Variants in DNAJC17 observed in about 807,000 individuals in gnomAD.
DNAJC17 encodes the protein dnaJ homolog subfamily C member 17.
A neutral mutation model predicts 48.1 loss-of-function variants in DNAJC17; 35 were observed. The observed-to-expected ratio is 0.73, with a 90% CI of 0.56 to 0.96. The LOEUF is 0.96. Among genes scored for constraint, DNAJC17 ranks in the 50% least tolerant of loss-of-function variants. DNAJC17 has a pLI of 0.00. For missense variants in DNAJC17, 355 were observed against 377.1 expected, an observed-to-expected ratio of 0.94 and a Z score of 0.48; for synonymous variants, 117 against 142.7, an observed-to-expected ratio of 0.82 and a Z score of 1.28.
At chr15:40,791,601 T>G (rs758289328) in intron 1 of DNAJC17, among the ~76,000 whole-genome samples, 3 of 151,830 alleles carry the variant, frequency 2.0e-5, no homozygotes, top group Non-Finnish European at 4.4e-5. Flanking sequence ...TCCCAGCACT[T>G]TGGGAGGCTG....
In DNAJC17 at chr15:40,770,314, T is replaced by TCTGCTC. The variant is rs1204308316; in HGVS notation, c.793-2253_793-2252insGAGCAG. ...CTGTCTGCTCTCCTGGGCAAAAAAG[T>TCTGCTC]TCCTTCTTCCTGAGCCCTCCTCTCA... On this transcript the variant is annotated intron_variant, in intron 10 of 10. Coordinates refer to ENST00000220496, the MANE Select transcript of DNAJC17 (RefSeq NM_018163.3). The surrounding 1 kb of genome is among the most constrained non-coding windows in gnomAD (Gnocchi z 5.0). The TCTGCTC allele has an allele frequency of 9.6e-6, 6 of 622,716 alleles. No homozygotes were observed. The highest frequency in any genetic ancestry group is 5.5e-5 in the African/African-American group (3 of 54,170). The allele number at this position is 622,716 out of a possible 1,614,324, so 38.6% of individuals were successfully genotyped here. A position where few individuals can be genotyped will look rare whatever the true frequency, so the allele number is the denominator to read the frequency against.
In DNAJC17 at chr15:40,803,789, C is replaced by T. The variant is rs1034211159; in HGVS notation, c.78+3580G>A. Among the ~76,000 whole-genome samples, 13 of 152,202 alleles carry T rather than the reference C, an allele frequency of 8.5e-5. No homozygotes were observed. In the East Asian group the frequency reaches 2.5e-3, roughly 29 times the overall value. ...TAAAGGCAGGAGCAGCACCTGTTACCCTTTATAGAGTGGCTTCACACCTAT... is the reference window on the plus strand; with the variant it reads ...TAAAGGCAGGAGCAGCACCTGTTACTCTTTATAGAGTGGCTTCACACCTAT... On this transcript the variant is annotated intron_variant, in intron 1 of 10. Coordinates refer to ENST00000220496, the MANE Select transcript of DNAJC17 (RefSeq NM_018163.3).
At chr15:40,773,375 C>T (rs1279274724) in intron 10 of DNAJC17, among the ~76,000 whole-genome samples, 8 of 152,132 alleles carry the variant, frequency 5.3e-5, no homozygotes, top group Admixed American at 5.2e-4. Flanking sequence ...GTCCTAGTCA[C>T]CTGCCCCTTC....
Position 40,807,434 on chromosome 15 carries a change from T to G in DNAJC17, c.13A>C (p.Lys5Gln). 1 of 1,614,250 alleles carries G rather than the reference T, an allele frequency of 6.2e-7. No individual in the cohort carries two copies. Reference protein sequence around the residue: MAVTKELLQMDLYAL... With the variant: MAVTQELLQMDLYAL... ...TACAGGTCCATCTGTAAGAGCTCCT[T>G]GGTCACTGCCATGGTTCCGGCCTGA... The change falls in exon 1 of 11, where the codon AAG becomes CAG. Residue 5 changes from lysine (K) to glutamine (Q), a missense_variant. Lys to Gln is a moderately conservative substitution (Grantham distance 53). This residue lies in a region of DNAJC17 where 199 missense variants were observed against 199.9 expected (regional missense o/e 1.00). Coordinates refer to ENST00000220496, the MANE Select transcript of DNAJC17 (RefSeq NM_018163.3).
At chr15:40,775,373 G>C in intron 7 of DNAJC17, 180 bp downstream of exon 7, 2 of 789,202 alleles carry the variant, frequency 2.5e-6, no homozygotes, top group Non-Finnish European at 4.2e-6. Context: ...GCTAAAAGCA[G>C]CCTTTCGTGG....
chr15:40,776,036 C>T (rs1052963582), intron 6 of DNAJC17, among the ~76,000 whole-genome samples, 160 bp downstream of exon 6: 9 of 152,132 alleles, frequency 5.9e-5, no homozygotes, highest in East Asian at 1.9e-4. Context: ...GGGAGGAAGA[C>T]GGGATAAGTG....
intron 1 of DNAJC17, among the ~76,000 whole-genome samples, chr15:40,781,639 AG>A (rs751550790): frequency 6.6e-6 from 1 of 152,154 alleles, no homozygotes. Flanking sequence ...TTTTGAGTTT[AG>A]TCCAGGTGCG....
At position 40,765,296 on chromosome 15, in the gene DNAJC17, C is replaced by T. The variant is rs1888924223; in HGVS notation, c.*2644G>A. ...ACCATCACCATAATCAGTTTTAGAA[C>T]ATTTCTAATACCCCAAAAGGAAACC... On this transcript the variant is annotated 3_prime_UTR_variant, in exon 11 of 11. Coordinates refer to ENST00000220496, the MANE Select transcript of DNAJC17 (RefSeq NM_018163.3). The T allele has an allele frequency of 6.6e-6, 1 of 152,202 alleles. No homozygotes were observed. The highest frequency in any genetic ancestry group is 1.5e-5 in the Non-Finnish European group (1 of 68,072). 9.4% of individuals were successfully genotyped at this position (152,202 alleles called of 1,614,324 possible). A position where few individuals can be genotyped will look rare whatever the true frequency, so the allele number is the denominator to read the frequency against.
chr15:40,776,327 C>A lies in DNAJC17; in HGVS notation c.382-35G>T. On this transcript the variant is annotated intron_variant, in intron 5 of 10. Coordinates refer to ENST00000220496, the MANE Select transcript of DNAJC17 (RefSeq NM_018163.3). Reference sequence around the variant, plus strand: ...AGGGGGTGGGGGTGACAATTCTGTGCAGGTCCAATTCCAGGCTGGCTCACC... The same window carrying A: ...AGGGGGTGGGGGTGACAATTCTGTGAAGGTCCAATTCCAGGCTGGCTCACC... The A allele has an allele frequency of 1.9e-6, 3 of 1,601,106 alleles. No homozygotes were observed. The South Asian group carries it at 3.3e-5, about 18-fold the overall frequency.
chr15:40,804,291 A>G (rs1446347285), intron 1 of DNAJC17, among the ~76,000 whole-genome samples: 4 of 151,460 alleles, frequency 2.6e-5, no homozygotes, highest in African/African-American at 9.7e-5. Flanking sequence ...TTAAAATCCA[A>G]TTATGGGCAG....
At chr15:40,781,933 A>AT (rs1239800565) in intron 1 of DNAJC17, among the ~76,000 whole-genome samples, 6 of 151,304 alleles carry the variant, frequency 4.0e-5, no homozygotes, top group East Asian at 1.9e-4. Context: ...AAAAAAAAAA[A>AT]TTTTTTTTTG....
At chr15:40,797,858 A>T (rs1409322798) in intron 1 of DNAJC17, among the ~76,000 whole-genome samples, 1 of 150,044 alleles carries the variant, frequency 6.7e-6, no homozygotes, top group Admixed American at 6.7e-5. Context: ...GGTAGGTGGG[A>T]TTACAGGCAC....
intron 4 of DNAJC17, among the ~76,000 whole-genome samples, chr15:40,778,010 G>A (rs1255859388): frequency 6.6e-6 from 1 of 151,984 alleles, no homozygotes; most frequent in Admixed American, 6.6e-5. Context: ...GAAAAGTCTG[G>A]GTAGGAATTG....
intron 1 of DNAJC17, 144 bp downstream of exon 1, chr15:40,807,225 C>T: frequency 6.5e-7 from 1 of 1,541,872 alleles, no homozygotes; most frequent in African/African-American, 1.4e-5. Flanking sequence ...TGGGAGCCCG[C>T]CTGCGGAGGG....
chr15:40,770,933 C>T lies in DNAJC17; in HGVS notation c.792+2794G>A. 1 of 1,551,520 alleles carries T rather than the reference C, an allele frequency of 6.4e-7. No homozygotes were observed. The highest frequency in any genetic ancestry group is 8.7e-7 in the Non-Finnish European group (1 of 1,146,992). Reference sequence around the variant, plus strand: ...CTACCCCAGACCTCAGTGATCCCTTCCTCTCCTTCAAAGTGGACCTGGGGA... The same window carrying T: ...CTACCCCAGACCTCAGTGATCCCTTTCTCTCCTTCAAAGTGGACCTGGGGA... On this transcript the variant is annotated intron_variant, in intron 10 of 10. Coordinates refer to ENST00000220496, the MANE Select transcript of DNAJC17 (RefSeq NM_018163.3). This position sits in a 1 kb window ranked among gnomAD's most constrained non-coding sequence, Gnocchi z 5.0.
rs1889068021 is a variant in DNAJC17 at position 40,769,633 on chromosome 15, G to A, written c.793-1571C>T. Among the ~76,000 whole-genome samples, 1 of 152,204 alleles carries A rather than the reference G, an allele frequency of 6.6e-6. No homozygotes were observed. Among genetic ancestry groups the A allele is most frequent in the South Asian group, 2.1e-4 (1 of 4,830 alleles). Reference sequence around the variant, plus strand: ...GGCTGAGTCACCCATACCAGCTACAGGTCTCTTCCTTCCCCAACAATCGTT... The same window carrying A: ...GGCTGAGTCACCCATACCAGCTACAAGTCTCTTCCTTCCCCAACAATCGTT... On this transcript the variant is annotated intron_variant, in intron 10 of 10. Transcript: ENST00000220496. This position sits in a 1 kb window ranked among gnomAD's most constrained non-coding sequence, Gnocchi z 4.2.
At chr15:40,788,035 G>T (rs1290312860) in intron 1 of DNAJC17, among the ~76,000 whole-genome samples, 1 of 152,174 alleles carries the variant, frequency 6.6e-6, no homozygotes, top group Non-Finnish European at 1.5e-5. Context: ...GCAGCTCTAT[G>T]TGACAACAAG....
chr15:40,795,672 G>A (rs149486177), intron 1 of DNAJC17, among the ~76,000 whole-genome samples: 2,230 of 151,998 alleles, frequency 0.015, 19 homozygotes, highest in South Asian at 0.046. Context: ...TGAGCCAGGC[G>A]GATCACAAGG....
intron 6 of DNAJC17, among the ~76,000 whole-genome samples, chr15:40,775,843 T>C (rs1889303764): frequency 6.6e-6 from 1 of 152,070 alleles, no homozygotes; most frequent in Admixed American, 6.6e-5. Flanking sequence ...AATGGAGAGC[T>C]AGGAACACTT....
Sources: allele counts gnomAD v4.1 joint callset (sites outside exome capture counted in the v4.1 genomes callset), GRCh38; gene constraint gnomAD v4.1.1; regional missense constraint gnomAD v4.1.1; non-coding constraint Gnocchi (gnomAD v3.1); transcripts MANE v1.5; gene names NCBI Gene and HGNC (gene_info 2026-07-23, HGNC 2026-07-21).